The following CNTNAP2 variants were observed in gnomAD, a reference collection of about 807,000 sequenced individuals.
The protein encoded by CNTNAP2 is contactin associated protein 2, also known as contactin-associated protein-like 2.
A neutral mutation model predicts 155.2 loss-of-function variants in CNTNAP2; 98 were observed. The observed-to-expected ratio is 0.63, with a 90% CI of 0.54 to 0.75. CNTNAP2 has a LOEUF of 0.75. CNTNAP2 is among the 30% of genes least tolerant of loss of function. The pLI, the probability that CNTNAP2 is intolerant of heterozygous loss-of-function variation, is 0.00. For missense variants in CNTNAP2, 1,727 were observed against 1,688.1 expected (o/e 1.02, Z -0.40); for synonymous variants, 651 against 631.2 (o/e 1.03, Z -0.47).
intron 1 of CNTNAP2, among the ~76,000 whole-genome samples, chr7:146,710,452 C>T (rs1331138005): frequency 6.6e-6 from 1 of 152,130 alleles, no homozygotes; most frequent in African/African-American, 2.4e-5. Context: ...ACCATCAGAA[C>T]CATATCTTTC....
At chr7:147,882,484 T>G (rs1367197168) in intron 13 of CNTNAP2, among the ~76,000 whole-genome samples, 1 of 152,188 alleles carries the variant, frequency 6.6e-6, no homozygotes, top group Non-Finnish European at 1.5e-5. Flanking sequence ...TGTCCACAGA[T>G]AGAGAACAGA....
At chr7:147,841,373 G>A (rs1442405211) in intron 13 of CNTNAP2, among the ~76,000 whole-genome samples, 4 of 152,082 alleles carry the variant, frequency 2.6e-5, no homozygotes, top group Non-Finnish European at 5.9e-5. Context: ...CAGTATCTAA[G>A]GCAAGTCCTT....
chr7:147,381,973 C>A (rs1049057303), intron 9 of CNTNAP2, among the ~76,000 whole-genome samples: 2 of 151,772 alleles, frequency 1.3e-5, no homozygotes, highest in African/African-American at 4.8e-5. Context: ...AATATTCTAG[C>A]TAAAGTATAA....
At chr7:147,772,792 TC>T (rs933426476) in intron 13 of CNTNAP2, among the ~76,000 whole-genome samples, 4 of 151,938 alleles carry the variant, frequency 2.6e-5, no homozygotes, top group African/African-American at 9.7e-5. Flanking sequence ...TAGAGACATC[TC>T]CCACATACAG....
chr7:146,624,969 GA>G (rs1799395103), intron 1 of CNTNAP2, among the ~76,000 whole-genome samples: 1 of 151,642 alleles, frequency 6.6e-6, no homozygotes, highest in African/African-American at 2.4e-5. Context: ...AGGTCCAGAA[GA>G]CAAAAAAGAA....
intron 8 of CNTNAP2, among the ~76,000 whole-genome samples, chr7:147,141,879 A>G (rs888811968): frequency 1.3e-5 from 2 of 152,162 alleles, no homozygotes; most frequent in Admixed American, 6.5e-5. Context: ...TTCTATTTCT[A>G]CAATACAAGG....
chr7:146,678,135 C>T (rs1800435727), intron 1 of CNTNAP2, among the ~76,000 whole-genome samples: 1 of 152,084 alleles, frequency 6.6e-6, no homozygotes, highest in African/African-American at 2.4e-5. Context: ...TGGCACAAAT[C>T]TTGGCTCACT....
chr7:147,823,732 A>C (rs1323679850), intron 13 of CNTNAP2, among the ~76,000 whole-genome samples: 9 of 152,140 alleles, frequency 5.9e-5, no homozygotes, highest in Admixed American at 5.2e-4. Context: ...AAAAAAAAAA[A>C]AATTACTGAA....
intron 8 of CNTNAP2, among the ~76,000 whole-genome samples, chr7:147,274,872 GT>G (rs540591809): frequency 1.3e-5 from 2 of 151,902 alleles, no homozygotes; most frequent in African/African-American, 2.4e-5. Flanking sequence ...TATGAGTCCA[GT>G]TTTTTTAGGC....
intron 9 of CNTNAP2, among the ~76,000 whole-genome samples, chr7:147,349,990 T>C (rs1355513245): frequency 6.6e-6 from 1 of 151,906 alleles, no homozygotes; most frequent in Non-Finnish European, 1.5e-5. Context: ...TCTTAAATTA[T>C]TGCAATATTT....
intron 1 of CNTNAP2, among the ~76,000 whole-genome samples, chr7:146,551,703 G>A (rs1798125019): frequency 6.6e-6 from 1 of 151,988 alleles, no homozygotes; most frequent in African/African-American, 2.4e-5. Flanking sequence ...TTATTTTCTG[G>A]TCTATGTATG....
At chr7:146,491,033 T>C (rs1797130994) in intron 1 of CNTNAP2, among the ~76,000 whole-genome samples, 1 of 152,152 alleles carries the variant, frequency 6.6e-6, no homozygotes, top group African/African-American at 2.4e-5. Context: ...TTTAAAAAAT[T>C]ATATTCTTTC....
intron 15 of CNTNAP2, among the ~76,000 whole-genome samples, chr7:148,086,202 A>G (rs1312689580): frequency 1.3e-5 from 2 of 152,214 alleles, no homozygotes; most frequent in Non-Finnish European, 2.9e-5. Flanking sequence ...ATGATAATTG[A>G]TGACAAAGGG....
intron 3 of CNTNAP2, among the ~76,000 whole-genome samples, chr7:146,894,037 G>C (rs1795829079): frequency 6.6e-6 from 1 of 152,144 alleles, no homozygotes; most frequent in South Asian, 2.1e-4. Context: ...TATAGAAACT[G>C]TGAAAGGACC....
Position 146,357,541 on chromosome 7 carries a change from C to T in CNTNAP2, c.97+240568C>T, listed in dbSNP as rs112360124. ...TTACCTTAGGGGAAGCTCTCGTTCACTGGCAGATTGCCATGGCTAATTCCA... is the reference window on the plus strand; with the variant it reads ...TTACCTTAGGGGAAGCTCTCGTTCATTGGCAGATTGCCATGGCTAATTCCA... On this transcript the variant is annotated intron_variant, in intron 1 of 23. Transcript: ENST00000361727. Among the ~76,000 whole-genome samples, 550 of 152,290 alleles carry T rather than the reference C, an allele frequency of 3.6e-3. 6 individuals carry two copies. The highest frequency in any genetic ancestry group is 0.012 in the African/African-American group (508 of 41,570).
chr7:148,125,559 C>CATT (rs1664597309), intron 16 of CNTNAP2, among the ~76,000 whole-genome samples: 1 of 151,806 alleles, frequency 6.6e-6, no homozygotes, highest in Non-Finnish European at 1.5e-5. Flanking sequence ...CTGCAAAGGA[C>CATT]ATTATCTCAT....
At chr7:147,419,218 C>T (rs903029573) in intron 10 of CNTNAP2, among the ~76,000 whole-genome samples, 4 of 152,096 alleles carry the variant, frequency 2.6e-5, no homozygotes, top group Non-Finnish European at 1.5e-5. Context: ...TTCCTCTCTT[C>T]TCTCTATGCC....
intron 21 of CNTNAP2, among the ~76,000 whole-genome samples, chr7:148,383,195 T>TC (rs1364866270): frequency 6.7e-6 from 1 of 149,100 alleles, no homozygotes; most frequent in Admixed American, 6.6e-5. Flanking sequence ...GTTCTTTTTT[T>TC]TTTTTTTTTT....
chr7:146,382,068 A>C (rs533555062), intron 1 of CNTNAP2, among the ~76,000 whole-genome samples: 24 of 152,320 alleles, frequency 1.6e-4, no homozygotes, highest in African/African-American at 5.8e-4. Context: ...CCTATTGAAA[A>C]TATCAAGATA....
Sources: allele counts gnomAD v4.1 joint callset (sites outside exome capture counted in the v4.1 genomes callset), GRCh38; gene constraint gnomAD v4.1.1; transcripts MANE v1.5; gene names NCBI Gene and HGNC (gene_info 2026-07-23, HGNC 2026-07-21).